Variants in PPFIA2 observed in about 807,000 individuals in gnomAD.
PPFIA2 encodes liprin-alpha-2.
Under a neutral mutation model 175.5 loss-of-function variants are expected in PPFIA2, and 46 were observed. That is an observed-to-expected ratio of 0.26 (90% CI 0.21 to 0.34). The LOEUF (loss-of-function observed/expected upper bound fraction) is 0.34, where lower values mean the gene tolerates loss of function less well. Among genes scored for constraint, PPFIA2 ranks in the 10% least tolerant of loss-of-function variants. The pLI, the probability that PPFIA2 is intolerant of heterozygous loss-of-function variation, is 1.00. For synonymous variants in PPFIA2, 568 were observed against 511.4 expected, an observed-to-expected ratio of 1.11 and a Z score of -1.49; for missense variants, 1,179 against 1,506.1, an observed-to-expected ratio of 0.78 and a Z score of 3.60.
At chr12:81,680,034 A>T (rs555086086) in intron 3 of PPFIA2, among the ~76,000 whole-genome samples, 109 of 152,088 alleles carry the variant, frequency 7.2e-4, no homozygotes, top group African/African-American at 2.6e-3. Context: ...CTATTTTCTT[A>T]TTTCAATATA....
At chr12:81,618,096 C>T (rs2061593758) in intron 4 of PPFIA2, among the ~76,000 whole-genome samples, 2 of 152,112 alleles carry the variant, frequency 1.3e-5, no homozygotes, top group South Asian at 2.1e-4. Flanking sequence ...TGGTTCCCTC[C>T]ACCAGTTAAG....
At chr12:81,570,592 A>G (rs2072329647) in intron 4 of PPFIA2, among the ~76,000 whole-genome samples, 1 of 151,972 alleles carries the variant, frequency 6.6e-6, no homozygotes, top group African/African-American at 2.4e-5. Flanking sequence ...CTTTTATGCA[A>G]TCTTGGTTTT....
intron 22 of PPFIA2, among the ~76,000 whole-genome samples, chr12:81,309,979 C>G (rs546376115): frequency 6.6e-6 from 1 of 152,158 alleles, no homozygotes; most frequent in African/African-American, 2.4e-5. Flanking sequence ...TTGCAAGACA[C>G]CATAGTCTGT....
At chr12:81,493,194 G>A (rs1029989736) in intron 4 of PPFIA2, among the ~76,000 whole-genome samples, 5 of 152,086 alleles carry the variant, frequency 3.3e-5, no homozygotes, top group Non-Finnish European at 7.4e-5. Flanking sequence ...CATTTTTGGT[G>A]TCTGGAGTTT....
intron 14 of PPFIA2, among the ~76,000 whole-genome samples, chr12:81,363,298 T>TTA (rs2031730340): frequency 2.7e-5 from 4 of 150,298 alleles, no homozygotes; most frequent in South Asian, 2.1e-4. Context: ...TTAATTAATT[T>TTA]ATTTATTTAT....
chr12:81,748,252 A>G (rs2083301739), intron 3 of PPFIA2, among the ~76,000 whole-genome samples: 1 of 144,588 alleles, frequency 6.9e-6, no homozygotes. Flanking sequence ...GGTTATCACA[A>G]TAAGCTTTCT....
intron 4 of PPFIA2, among the ~76,000 whole-genome samples, chr12:81,544,622 G>A (rs1393285542): frequency 6.6e-6 from 1 of 151,998 alleles, no homozygotes; most frequent in African/African-American, 2.4e-5. Context: ...GAAACAGACT[G>A]TTACCACTAT....
In PPFIA2 at chr12:81,281,476, T is replaced by C. The variant is rs775493012; in HGVS notation, c.3019-26A>G. On this transcript the variant is annotated intron_variant, in intron 26 of 32. Coordinates refer to ENST00000549396, the MANE Select transcript of PPFIA2 (RefSeq NM_003625.5). ...CTAGAATTGTTTTATAGCAGTCAAGTTTCTTAACCAATCAGATAAGATGGT... is the reference window on the plus strand; with the variant it reads ...CTAGAATTGTTTTATAGCAGTCAAGCTTCTTAACCAATCAGATAAGATGGT... The C allele has an allele frequency of 5.4e-6, 8 of 1,487,872 alleles. No individual in the cohort carries two copies. In the South Asian group the frequency reaches 6.1e-5, roughly 11 times the overall value. 92.2% of individuals were successfully genotyped at this position (1,487,872 alleles called of 1,614,324 possible). A position where few individuals can be genotyped will look rare whatever the true frequency, so the allele number is the denominator to read the frequency against.
chr12:81,562,101 A>G (rs1272665118), intron 4 of PPFIA2, among the ~76,000 whole-genome samples: 1 of 152,190 alleles, frequency 6.6e-6, no homozygotes, highest in African/African-American at 2.4e-5. Flanking sequence ...TTAAAAAGAT[A>G]GGCCTTTATG....
chr12:81,473,819 C>T (rs534029573), intron 4 of PPFIA2, among the ~76,000 whole-genome samples: 1 of 152,298 alleles, frequency 6.6e-6, no homozygotes, highest in East Asian at 1.9e-4. Context: ...CAATAAATTA[C>T]ATTAGAATGA....
In PPFIA2 at chr12:81,266,997, T is replaced by C; in HGVS notation, c.3510A>G (p.Glu1170=). 1 of 1,613,108 alleles carries C rather than the reference T, an allele frequency of 6.2e-7. No individual in the cohort carries two copies. Among genetic ancestry groups the C allele is most frequent in the Non-Finnish European group, 8.5e-7 (1 of 1,179,358 alleles). Residue 1170 remains glutamate, a synonymous_variant, in exon 30 of 33, where the codon GAA becomes GAG. Transcript: ENST00000549396. ...NTQARQILER[E]YNNLLALGTE... ...TTCCCAGGGCCAAGAGGTTATTGTATTCTCTTTCAAGAATCTGCCTTGCCT... is the reference window on the plus strand; with the variant it reads ...TTCCCAGGGCCAAGAGGTTATTGTACTCTCTTTCAAGAATCTGCCTTGCCT...
chr12:81,536,707 ATGT>A (rs1485908220), intron 4 of PPFIA2, among the ~76,000 whole-genome samples: 5 of 143,250 alleles, frequency 3.5e-5, no homozygotes, highest in African/African-American at 1.3e-4. Context: ...TATATATAGC[ATGT>A]AATATACATA....
intron 24 of PPFIA2, among the ~76,000 whole-genome samples, chr12:81,286,079 C>T (rs2043276700): frequency 6.6e-6 from 1 of 151,710 alleles, no homozygotes; most frequent in African/African-American, 2.4e-5. Context: ...AACGAAAAAG[C>T]TTAAAGAGGG....
rs80227687 is a variant in PPFIA2, at chr12:81,527,098, G to A, written c.304-69232C>T. 7.9e-3 allele frequency among the ~76,000 whole-genome samples: 1,200 copies of A among 152,128 alleles called. 13 individuals carry two copies. The highest frequency in any genetic ancestry group is 0.026 in the African/African-American group (1,076 of 41,514). ...TGCCAATGATACAATAAAAATATTC[G>A]TGTCTTAATTTAGTCATTTTCTTTG... On this transcript the variant is annotated intron_variant, in intron 4 of 32. Transcript: ENST00000549396.
At chr12:81,292,175 T>C (rs886438459) in intron 24 of PPFIA2, 1 of 152,134 alleles carries the variant, frequency 6.6e-6, no homozygotes, top group Non-Finnish European at 1.5e-5. Context: ...ATTCATAATG[T>C]TTAATAATTT....
chr12:81,259,687 T>C, intron 32 of PPFIA2, 27 bp from the exon 33 acceptor site: 1 of 1,532,280 alleles, frequency 6.5e-7, no homozygotes, highest in Non-Finnish European at 8.7e-7. Context: ...ATAGCATTAG[T>C]TCACTGAAAA....
intron 22 of PPFIA2, chr12:81,302,111 G>T: frequency 5.8e-6 from 2 of 345,522 alleles, no homozygotes; most frequent in Non-Finnish European, 1.1e-5. Flanking sequence ...TTTATATTTA[G>T]GTGCTTCTTG....
At chr12:81,684,664 T>G (rs1306831514) in intron 3 of PPFIA2, among the ~76,000 whole-genome samples, 1 of 152,074 alleles carries the variant, frequency 6.6e-6, no homozygotes, top group African/African-American at 2.4e-5. Flanking sequence ...AATAAACTAA[T>G]AAATGACTTG....
At chr12:81,622,125 C>T (rs1478700586) in intron 4 of PPFIA2, among the ~76,000 whole-genome samples, 1 of 152,176 alleles carries the variant, frequency 6.6e-6, no homozygotes, top group South Asian at 2.1e-4. Flanking sequence ...GAAGCACATT[C>T]CTCCACTATC....
Sources: allele counts gnomAD v4.1 joint callset (sites outside exome capture counted in the v4.1 genomes callset), GRCh38; gene constraint gnomAD v4.1.1; transcripts MANE v1.5; gene names NCBI Gene and HGNC (gene_info 2026-07-23, HGNC 2026-07-21).